Variants in FBXW11 observed in about 807,000 individuals in gnomAD.
FBXW11 encodes F-box and WD repeat domain containing 11, also known as F-box/WD repeat-containing protein 11.
Under a neutral mutation model 77.6 loss-of-function variants are expected in FBXW11, and 19 were observed. The observed-to-expected ratio is 0.24, with a 90% CI of 0.17 to 0.36. The LOEUF is 0.36. Ranked by LOEUF, FBXW11 falls within the 10% of genes least tolerant of loss-of-function variation. The pLI, the probability that FBXW11 is intolerant of heterozygous loss-of-function variation, is 1.00. For synonymous variants in FBXW11, 235 were observed against 249.4 expected (o/e 0.94, Z 0.54); for missense variants, 334 against 704.2 (o/e 0.47, Z 5.95).
intron 6 of FBXW11, among the ~76,000 whole-genome samples, chr5:171,896,859 AC>A (rs1759774253): frequency 6.6e-6 from 1 of 152,202 alleles, no homozygotes; most frequent in African/African-American, 2.4e-5. Context: ...AGTCATACGG[AC>A]AGAGCCAAGC....
chr5:172,004,773 CAG>C (rs1766627680), intron 1 of FBXW11, among the ~76,000 whole-genome samples: 3 of 151,826 alleles, frequency 2.0e-5, no homozygotes, highest in Non-Finnish European at 4.4e-5. Context: ...ACAAAAGTTA[CAG>C]AATACCAAAC....
At position 171,876,426 on chromosome 5, in the gene FBXW11, G is replaced by C. The variant is rs571392332; in HGVS notation, c.1080C>G (p.Asp360Glu). 2 of 1,614,120 alleles carry C rather than the reference G, an allele frequency of 1.2e-6. No individual in the cohort carries two copies. Among genetic ancestry groups the C allele is most frequent in the Non-Finnish European group, 1.7e-6 (2 of 1,180,014 alleles). The stretch of plus-strand genomic sequence containing the variant: ...CCATGTCCCACACAGCAATGGAGCG[G>C]TCCTTGGAACAGGTCACCATCAGTC... ...SNGLMVTCSK[D>E]RSIAVWDMAS... Residue 360 changes from aspartate (D) to glutamate (E), a missense_variant, in exon 9 of 14, where the codon GAC (aspartate) becomes GAG (glutamate). Coordinates refer to ENST00000517395, the MANE Select transcript of FBXW11 (RefSeq NM_001378974.1). This position sits in a 1 kb window ranked among gnomAD's most constrained non-coding sequence, Gnocchi z 4.2.
chr5:171,901,363 T>C (rs1458442361), intron 4 of FBXW11, among the ~76,000 whole-genome samples: 1 of 152,254 alleles, frequency 6.6e-6, no homozygotes, highest in Non-Finnish European at 1.5e-5. Context: ...TTTCCTCATC[T>C]GTATAAGATT....
At chr5:171,963,340 C>A (rs1036642613) in intron 1 of FBXW11, among the ~76,000 whole-genome samples, 3 of 152,106 alleles carry the variant, frequency 2.0e-5, no homozygotes, top group Non-Finnish European at 4.4e-5. Flanking sequence ...GAATACATAG[C>A]ATAAGCAAAG....
At chr5:171,870,167 A>C (rs2113752287) in intron 11 of FBXW11, among the ~76,000 whole-genome samples, 1 of 152,310 alleles carries the variant, frequency 6.6e-6, no homozygotes, top group African/African-American at 2.4e-5. Flanking sequence ...CTCTGTGTGA[A>C]ATTCCAAGGA....
chr5:171,888,592 T>C lies in FBXW11; in HGVS notation c.852+2875A>G, dbSNP rs73801497. On this transcript the variant is annotated intron_variant, in intron 7 of 13. Coordinates refer to ENST00000517395, the MANE Select transcript of FBXW11 (RefSeq NM_001378974.1). ...AAAACACACTTACCCAAAAACATTG[T>C]CCAGAGGATTATAACAGGACCCACA... Among the ~76,000 whole-genome samples the C allele has an allele frequency of 4.3e-3, 655 of 152,278 alleles. 5 individuals carry two copies. Among genetic ancestry groups the C allele is most frequent in the African/African-American group, 0.015 (635 of 41,548 alleles).
At chr5:171,975,817 G>A (rs769018966) in intron 1 of FBXW11, among the ~76,000 whole-genome samples, 1 of 152,108 alleles carries the variant, frequency 6.6e-6, no homozygotes, top group African/African-American at 2.4e-5. Flanking sequence ...GGATTAGGGC[G>A]AACAAAAATC....
At chr5:171,934,900 T>C (rs536781370) in intron 2 of FBXW11, among the ~76,000 whole-genome samples, 10 of 151,782 alleles carry the variant, frequency 6.6e-5, no homozygotes, top group Non-Finnish European at 1.2e-4. Context: ...GTTCCTAGGG[T>C]TGGATGGGTG....
intron 12 of FBXW11, 101 bp from the exon 13 acceptor site, chr5:171,868,897 A>ATT: frequency 9.5e-6 from 10 of 1,051,476 alleles, no homozygotes; most frequent in Non-Finnish European, 1.4e-5. Context: ...CCACTTAAAC[A>ATT]GACTTCCTAA....
At chr5:171,867,562 A>C (rs1757481176) in intron 13 of FBXW11, among the ~76,000 whole-genome samples, 1 of 151,848 alleles carries the variant, frequency 6.6e-6, no homozygotes, top group East Asian at 1.9e-4. Context: ...TCTAGGTAAG[A>C]CAAACTTCCT....
At chr5:172,001,597 C>T (rs769462955) in intron 1 of FBXW11, among the ~76,000 whole-genome samples, 3 of 152,116 alleles carry the variant, frequency 2.0e-5, no homozygotes, top group Non-Finnish European at 4.4e-5. Flanking sequence ...ATATTACAAG[C>T]CTGAAATATG....
At chr5:172,003,466 A>G (rs945336587) in intron 1 of FBXW11, among the ~76,000 whole-genome samples, 2 of 152,230 alleles carry the variant, frequency 1.3e-5, no homozygotes, top group Middle Eastern at 3.2e-3. Context: ...CTCATTCATA[A>G]GGCGAATTTT....
intron 2 of FBXW11, among the ~76,000 whole-genome samples, chr5:171,945,696 C>T (rs2113213618): frequency 6.6e-6 from 1 of 152,306 alleles, no homozygotes; most frequent in South Asian, 2.1e-4. Context: ...AGAAACGTAT[C>T]ACATTTTTAT....
At chr5:171,922,610 C>T (rs745972383) in intron 2 of FBXW11, among the ~76,000 whole-genome samples, 3 of 152,168 alleles carry the variant, frequency 2.0e-5, no homozygotes, top group African/African-American at 4.8e-5. Flanking sequence ...CTCCCCTCTC[C>T]GGACAAACAC....
intron 4 of FBXW11, chr5:171,908,575 G>A (rs556293341): frequency 6.6e-6 from 1 of 152,290 alleles, no homozygotes; most frequent in Admixed American, 6.5e-5. Context: ...TTTACGTTTT[G>A]CTTTCCTAGA....
chr5:171,880,293 T>C (rs1027056272), intron 7 of FBXW11, among the ~76,000 whole-genome samples: 2 of 152,270 alleles, frequency 1.3e-5, no homozygotes, highest in African/African-American at 4.8e-5. Context: ...TTCTGTTCCA[T>C]GGATCTAGCT....
chr5:171,914,566 G>A (rs1761107709), intron 2 of FBXW11, among the ~76,000 whole-genome samples, 161 bp from the exon 3 acceptor site: 1 of 152,188 alleles, frequency 6.6e-6, no homozygotes, highest in African/African-American at 2.4e-5. Flanking sequence ...CAAGGGAGAT[G>A]TGCTCATCTT....
In FBXW11 at chr5:171,863,571, A is replaced by C. The variant is rs1182054433; in HGVS notation, c.*556T>G. 1 of 152,642 alleles carries C rather than the reference A, an allele frequency of 6.6e-6. No individual in the cohort carries two copies. Among genetic ancestry groups the C allele is most frequent in the East Asian group, 1.9e-4 (1 of 5,198 alleles). The allele number at this position is 152,642 out of a possible 1,614,324, so 9.5% of individuals were successfully genotyped here. A position where few individuals can be genotyped will look rare whatever the true frequency, so the allele number is the denominator to read the frequency against. ...TAATCCCAAAAATATTACTAAAACA[A>C]TCCAGAGAAAATTTTCCACTGTCCA... On this transcript the variant is annotated 3_prime_UTR_variant, in exon 14 of 14. Coordinates refer to ENST00000517395, the MANE Select transcript of FBXW11 (RefSeq NM_001378974.1).
rs1016466631 is a variant in FBXW11 at position 171,876,699 on chromosome 5, G to A, written c.972-165C>T. On this transcript the variant is annotated intron_variant, in intron 8 of 13. Transcript: ENST00000517395. This position sits in a 1 kb window ranked among gnomAD's most constrained non-coding sequence, Gnocchi z 4.2. The stretch of plus-strand genomic sequence containing the variant: ...TCAATGTTGGAGGTGGGGCCTGGCA[G>A]GAGATGTTTTGGGTCATGGTGGTGT... Among the ~76,000 whole-genome samples, 2 of 152,206 alleles carry A rather than the reference G, an allele frequency of 1.3e-5. No individual in the cohort carries two copies. Among genetic ancestry groups the A allele is most frequent in the African/African-American group, 4.8e-5 (2 of 41,448 alleles).
Sources: allele counts gnomAD v4.1 joint callset (sites outside exome capture counted in the v4.1 genomes callset), GRCh38; gene constraint gnomAD v4.1.1; non-coding constraint Gnocchi (gnomAD v3.1); transcripts MANE v1.5; gene names NCBI Gene and HGNC (gene_info 2026-07-23, HGNC 2026-07-21).